Variants in PIGU observed in about 807,000 individuals in gnomAD.
PIGU encodes phosphatidylinositol glycan anchor biosynthesis class U.
PIGU carries 24 observed loss-of-function variants against 49.9 expected under a neutral mutation model. That is an observed-to-expected ratio of 0.48 (90% CI 0.35 to 0.68). The LOEUF (loss-of-function observed/expected upper bound fraction) is 0.68. PIGU is among the 30% of genes least tolerant of loss of function. The pLI, the probability that PIGU is intolerant of heterozygous loss-of-function variation, is 0.01. For synonymous variants in PIGU, 220 were observed against 205.7 expected (o/e 1.07, Z -0.59); for missense variants, 490 against 532.6 (o/e 0.92, Z 0.79).
At chr20:34,571,197 T>C (rs1342042110) in intron 11 of PIGU, among the ~76,000 whole-genome samples, 3 of 152,174 alleles carry the variant, frequency 2.0e-5, no homozygotes, top group Non-Finnish European at 4.4e-5. Context: ...CCCCCCACCA[T>C]GGATGGTTTA....
At chr20:34,572,418 G>A (rs555058957) in intron 11 of PIGU, among the ~76,000 whole-genome samples, 23 of 151,856 alleles carry the variant, frequency 1.5e-4, no homozygotes, top group Non-Finnish European at 3.1e-4. Context: ...AGGTCGAGGC[G>A]GGCAAATCAC....
intron 2 of PIGU, among the ~76,000 whole-genome samples, chr20:34,656,852 G>A (rs1986720869): frequency 6.6e-6 from 1 of 151,974 alleles, no homozygotes; most frequent in Non-Finnish European, 1.5e-5. Context: ...GTTTTCATGG[G>A]AAATCATATT....
At chr20:34,665,034 G>C (rs114769365) in intron 1 of PIGU, among the ~76,000 whole-genome samples, 2,493 of 151,808 alleles carry the variant, frequency 0.016, 75 homozygotes, top group African/African-American at 0.057. Context: ...TTTTTTGTTT[G>C]TTTGTTTTTG....
intron 4 of PIGU, among the ~76,000 whole-genome samples, chr20:34,642,385 A>G (rs1018545877): frequency 6.6e-6 from 1 of 152,000 alleles, no homozygotes; most frequent in African/African-American, 2.4e-5. Flanking sequence ...AATTTTTTAA[A>G]GAATTTTTTG....
chr20:34,628,722 G>A (rs544515063), intron 6 of PIGU, among the ~76,000 whole-genome samples: 79 of 152,138 alleles, frequency 5.2e-4, no homozygotes, highest in African/African-American at 5.3e-4. Context: ...ATGGTGGTGC[G>A]TGCCTGTAGT....
At chr20:34,646,750 C>T (rs1986358936) in intron 2 of PIGU, among the ~76,000 whole-genome samples, 1 of 152,144 alleles carries the variant, frequency 6.6e-6, no homozygotes, top group African/African-American at 2.4e-5. Flanking sequence ...ATTCTAACTT[C>T]CAGTAACATT....
At chr20:34,656,632 G>T (rs1986713165) in intron 2 of PIGU, among the ~76,000 whole-genome samples, 1 of 151,882 alleles carries the variant, frequency 6.6e-6, no homozygotes. Context: ...AGCTGGGCAT[G>T]GTGGTGCACA....
intron 4 of PIGU, among the ~76,000 whole-genome samples, chr20:34,640,072 A>G (rs183518520): frequency 2.2e-4 from 34 of 152,310 alleles, no homozygotes; most frequent in Middle Eastern, 3.4e-3. Flanking sequence ...ATCCAGGGGC[A>G]GCCAGACAGA....
intron 7 of PIGU, among the ~76,000 whole-genome samples, chr20:34,601,039 A>G (rs1407337334): frequency 7.6e-6 from 1 of 131,202 alleles, no homozygotes; most frequent in African/African-American, 2.8e-5. Context: ...TGTCTCAAAA[A>G]AGAAAAAAAA....
intron 10 of PIGU, 21 bp from the exon 11 acceptor site, chr20:34,575,267 A>C: frequency 6.2e-7 from 1 of 1,611,596 alleles, no homozygotes; most frequent in Non-Finnish European, 8.5e-7. Context: ...AGAGGGTTAC[A>C]GTTAGCCTGA....
intron 1 of PIGU, among the ~76,000 whole-genome samples, chr20:34,670,883 A>G (rs1268924920): frequency 6.6e-6 from 1 of 152,264 alleles, no homozygotes; most frequent in South Asian, 2.1e-4. Flanking sequence ...GGGTTTCTAG[A>G]TAAGTACTAA....
chr20:34,650,698 C>CCCCTTTTTTTTTTT (rs1986507102), intron 2 of PIGU, among the ~76,000 whole-genome samples: 1 of 43,950 alleles, frequency 2.3e-5, no homozygotes, highest in Admixed American at 2.4e-4. Flanking sequence ...TTCTTTTTTT[C>CCCCTTTTTTTTTTT]TCTTTTTTTT....
intron 1 of PIGU, among the ~76,000 whole-genome samples, chr20:34,664,441 G>A (rs1987024222): frequency 6.6e-6 from 1 of 152,234 alleles, no homozygotes; most frequent in South Asian, 2.1e-4. Flanking sequence ...GCTCACGCCT[G>A]TAATCCCAGC....
chr20:34,669,247 T>TA (rs1471653208), intron 1 of PIGU, among the ~76,000 whole-genome samples: 1 of 152,122 alleles, frequency 6.6e-6, no homozygotes, highest in Non-Finnish European at 1.5e-5. Flanking sequence ...GCTATCATCT[T>TA]AGTTTTGATC....
chr20:34,592,852 ATGTGTCT>A (rs1255894065), intron 7 of PIGU, among the ~76,000 whole-genome samples: 18 of 152,170 alleles, frequency 1.2e-4, no homozygotes, highest in Non-Finnish European at 2.6e-4. Flanking sequence ...ATTAGGGTTG[ATGTGTCT>A]TGTCTGTAAC....
At chr20:34,616,501 A>G (rs1985012071) in intron 6 of PIGU, among the ~76,000 whole-genome samples, 1 of 152,176 alleles carries the variant, frequency 6.6e-6, no homozygotes, top group Non-Finnish European at 1.5e-5. Context: ...TAAGCCTACA[A>G]TTATTGCTTA....
rs570064729 is a variant in PIGU, at chr20:34,581,481, T to C, written c.1051+67A>G. The stretch of plus-strand genomic sequence containing the variant: ...GCCTGGTAAATGCCTATGAATTCCT[T>C]TTCCCTGCAGCAGTCTCATCCAGGC... On this transcript the variant is annotated intron_variant, in intron 10 of 11. Transcript: ENST00000217446. The C allele has an allele frequency of 5.3e-4, 847 of 1,584,906 alleles. 3 individuals are homozygous for C. The Middle Eastern group carries it at 7.2e-3, about 13-fold the overall frequency.
At chr20:34,585,662 T>C in intron 8 of PIGU, 82 bp from the exon 9 acceptor site, 1 of 1,513,746 alleles carries the variant, frequency 6.6e-7, no homozygotes, top group Non-Finnish European at 9.0e-7. Context: ...CCTGAAGACT[T>C]TGGTCACTGC....
intron 1 of PIGU, among the ~76,000 whole-genome samples, chr20:34,673,833 T>C (rs1055043507): frequency 6.6e-6 from 1 of 152,132 alleles, no homozygotes; most frequent in Non-Finnish European, 1.5e-5. Flanking sequence ...GGCGGGCGGA[T>C]CACGAGGTCA....
Sources: gnomAD v4.1 joint callset for allele counts (sites outside exome capture counted in the v4.1 genomes callset) on GRCh38, gnomAD v4.1.1 for gene constraint, MANE v1.5 for transcripts, NCBI Gene and HGNC (gene_info 2026-07-23, HGNC 2026-07-21) for gene names.